The following DOCK5 variants were observed in gnomAD, a reference collection of about 807,000 sequenced individuals.
The protein encoded by DOCK5 is dedicator of cytokinesis protein 5.
A neutral mutation model predicts 251.8 loss-of-function variants in DOCK5; 142 were observed. That is an observed-to-expected ratio of 0.56 (90% CI 0.49 to 0.65). The LOEUF is 0.65. Ranked by LOEUF, DOCK5 falls within the 30% of genes least tolerant of loss-of-function variation. The probability of loss-of-function intolerance (pLI) is 0.00; values close to 1 mark genes in which losing one functional copy is unlikely to be tolerated. For missense variants in DOCK5, 2,111 were observed against 2,312.3 expected, an observed-to-expected ratio of 0.91 and a Z score of 1.79; for synonymous variants, 842 against 835.5, an observed-to-expected ratio of 1.01 and a Z score of -0.13.
At chr8:25,403,459 G>C in intron 47 of DOCK5, 99 bp from the exon 48 acceptor site, 2 of 1,292,658 alleles carry the variant, frequency 1.5e-6, no homozygotes, top group Non-Finnish European at 2.2e-6. Context: ...AACCAGTACA[G>C]ATGGGTACTG....
rs1176457721 is a variant in DOCK5 at position 25,278,543 on chromosome 8, A to C, written c.225-26A>C. 3.7e-6 allele frequency: 6 copies of C among 1,611,488 alleles called. 1 individual carries two copies. The South Asian group carries it at 6.6e-5, about 18-fold the overall frequency. ...AGCAGTGCTGATCAGCCTAGAAGAA[A>C]GTGACCCTCGTTTGGTTCTTTGTAG... On this transcript the variant is annotated intron_variant, in intron 4 of 51. Coordinates refer to ENST00000276440, the MANE Select transcript of DOCK5 (RefSeq NM_024940.8).
chr8:25,344,426 AAGACCAGCAGGACTCCT>A, intron 25 of DOCK5, among the ~76,000 whole-genome samples: 1 of 152,274 alleles, frequency 6.6e-6, no homozygotes, highest in African/African-American at 2.4e-5. Flanking sequence ...TGGAGATCTG[AAGACCAGCAGGACTCCT>A]CAACGTTAAA....
chr8:25,322,369 C>T (rs904650512), intron 16 of DOCK5, among the ~76,000 whole-genome samples: 5 of 152,208 alleles, frequency 3.3e-5, no homozygotes, highest in Non-Finnish European at 7.3e-5. Flanking sequence ...TACATCTTAG[C>T]TGAGACTTGA....
chr8:25,362,979 A>G (rs1352948122), intron 28 of DOCK5, 68 bp from the exon 29 acceptor site: 19 of 1,198,974 alleles, frequency 1.6e-5, no homozygotes, highest in Admixed American at 6.9e-5. Context: ...TTCTGCTTGT[A>G]TACACGCCAG....
chr8:25,264,038 A>G (rs962054793), intron 2 of DOCK5, among the ~76,000 whole-genome samples: 1 of 151,806 alleles, frequency 6.6e-6, no homozygotes, highest in East Asian at 1.9e-4. Flanking sequence ...GGCCACCCCC[A>G]GCAAAATCAT....
At chr8:25,395,869 A>G in intron 45 of DOCK5, 150 bp downstream of exon 45, 1 of 973,320 alleles carries the variant, frequency 1.0e-6, no homozygotes, top group Non-Finnish European at 1.6e-6. Context: ...GAATGAAACG[A>G]TTGTCCCTGA....
chr8:25,201,148 C>T lies in DOCK5; in HGVS notation c.43+16197C>T, dbSNP rs867643843. The stretch of plus-strand genomic sequence containing the variant: ...TCTCAAACTCCTGACCTCAGGTGAT[C>T]CGCCCACCTCGGCCTCCCAAAATGC... On this transcript the variant is annotated intron_variant, in intron 1 of 51. Transcript: ENST00000276440. Among the ~76,000 whole-genome samples the T allele has an allele frequency of 2.0e-5, 3 of 152,176 alleles. No homozygotes were observed. The South Asian group carries it at 6.2e-4, about 32-fold the overall frequency.
intron 21 of DOCK5, among the ~76,000 whole-genome samples, chr8:25,334,424 T>A (rs1391901692): frequency 6.6e-6 from 1 of 152,174 alleles, no homozygotes; most frequent in Non-Finnish European, 1.5e-5. Context: ...GAAATTTCCT[T>A]AAGGATCCAG....
chr8:25,325,192 T>C (rs1805531851), intron 17 of DOCK5, among the ~76,000 whole-genome samples, 172 bp from the exon 18 acceptor site: 1 of 152,206 alleles, frequency 6.6e-6, no homozygotes, highest in Non-Finnish European at 1.5e-5. Flanking sequence ...AAATTATTTC[T>C]GGGCTCAATG....
chr8:25,207,195 T>A (rs897512670), intron 1 of DOCK5, among the ~76,000 whole-genome samples: 6 of 152,202 alleles, frequency 3.9e-5, no homozygotes, highest in African/African-American at 1.4e-4. Flanking sequence ...AATAAAGCAA[T>A]GGTTCATGAA....
intron 5 of DOCK5, among the ~76,000 whole-genome samples, chr8:25,283,669 T>C (rs901677330): frequency 6.6e-6 from 1 of 152,258 alleles, no homozygotes; most frequent in African/African-American, 2.4e-5. Flanking sequence ...AGCTCCCTTC[T>C]GTATGGCCCC....
chr8:25,243,903 A>G, intron 2 of DOCK5, 146 bp downstream of exon 2: 1 of 755,792 alleles, frequency 1.3e-6, no homozygotes, highest in Admixed American at 2.4e-5. Context: ...GGGTGACACA[A>G]TTTTGAACAG....
chr8:25,244,998 C>T (rs1336397667), intron 2 of DOCK5, among the ~76,000 whole-genome samples: 2 of 152,320 alleles, frequency 1.3e-5, no homozygotes, highest in Non-Finnish European at 2.9e-5. Context: ...CTAGGGCAGT[C>T]GCCTTATCTT....
In DOCK5 at chr8:25,392,900, G is replaced by T; in HGVS notation, c.4527+18G>T. On this transcript the variant is annotated intron_variant, in intron 44 of 51. Transcript: ENST00000276440. ...TTTCAACAGTGAGTCATTTGAAATTGGCATTTAGAAAAAAACTTTCTGTTT... is the reference window on the plus strand; with the variant it reads ...TTTCAACAGTGAGTCATTTGAAATTTGCATTTAGAAAAAAACTTTCTGTTT... 1 of 1,589,398 alleles carries T rather than the reference G, an allele frequency of 6.3e-7. No individual in the cohort carries two copies. The highest frequency in any genetic ancestry group is 1.1e-5 in the South Asian group (1 of 87,996).
chr8:25,294,133 A>G (rs1458637471), intron 6 of DOCK5, among the ~76,000 whole-genome samples: 1 of 152,128 alleles, frequency 6.6e-6, no homozygotes, highest in Non-Finnish European at 1.5e-5. Flanking sequence ...CTGGCACAGG[A>G]TGTTCACACC....
At chr8:25,359,574 G>A (rs985484396) in intron 28 of DOCK5, among the ~76,000 whole-genome samples, 1 of 152,208 alleles carries the variant, frequency 6.6e-6, no homozygotes, top group African/African-American at 2.4e-5. Flanking sequence ...CCTGAGCTCC[G>A]CCTCCTGTCA....
intron 28 of DOCK5, 106 bp from the exon 29 acceptor site, chr8:25,362,941 C>A: frequency 1.3e-6 from 1 of 788,702 alleles, no homozygotes; most frequent in Non-Finnish European, 2.2e-6. Flanking sequence ...TACTGTGGGG[C>A]TAGGAACATC....
chr8:25,215,004 C>T (rs1802203985), intron 1 of DOCK5, among the ~76,000 whole-genome samples: 1 of 152,170 alleles, frequency 6.6e-6, no homozygotes, highest in African/African-American at 2.4e-5. Flanking sequence ...ATATTTCTCC[C>T]ATGCATCAGC....
rs564525447 is a variant in DOCK5 at position 25,390,809 on chromosome 8, T to C, written c.4355+522T>C. Among the ~76,000 whole-genome samples, 372 of 99,460 alleles carry C rather than the reference T, an allele frequency of 3.7e-3. 3 individuals carry two copies. The South Asian group carries it at 0.05, about 13-fold the overall frequency. 65.2% of individuals were successfully genotyped at this position (99,460 alleles called of 152,430 possible). On this transcript the variant is annotated intron_variant, in intron 42 of 51. Coordinates refer to ENST00000276440, the MANE Select transcript of DOCK5 (RefSeq NM_024940.8). ...AAATGTATGTGTAAGTGCATACACCTTTTTTTTTGTTTTTTTTTGAGACGG... is the reference window on the plus strand; with the variant it reads ...AAATGTATGTGTAAGTGCATACACCCTTTTTTTTGTTTTTTTTTGAGACGG...
Sources: gnomAD v4.1 joint callset for allele counts (sites outside exome capture counted in the v4.1 genomes callset) on GRCh38, gnomAD v4.1.1 for gene constraint, MANE v1.5 for transcripts, NCBI Gene and HGNC (gene_info 2026-07-23, HGNC 2026-07-21) for gene names.